Variants in KDM4B observed in about 807,000 individuals in gnomAD.
KDM4B encodes the protein lysine demethylase 4B.
KDM4B carries 32 observed loss-of-function variants against 125.2 expected under a neutral mutation model. That is an observed-to-expected ratio of 0.26 (90% CI 0.19 to 0.34). The LOEUF (loss-of-function observed/expected upper bound fraction) is 0.34. Among genes scored for constraint, KDM4B ranks in the 10% least tolerant of loss-of-function variants. The pLI, the probability that KDM4B is intolerant of heterozygous loss-of-function variation, is 1.00. For synonymous variants in KDM4B, 721 were observed against 677.9 expected (o/e 1.06, Z -0.99); for missense variants, 1,190 against 1,577.7 (o/e 0.75, Z 4.16).
chr19:5,111,720 A>T (rs1380391692), intron 10 of KDM4B: 2 of 760,868 alleles, frequency 2.6e-6, no homozygotes, highest in East Asian at 2.4e-5. Context: ...GGGCTCAGCC[A>T]ACTCCTCCGG....
intron 9 of KDM4B, among the ~76,000 whole-genome samples, chr19:5,098,975 C>T (rs575793578): frequency 1.6e-4 from 25 of 152,368 alleles, no homozygotes; most frequent in Non-Finnish European, 3.1e-4. Context: ...TGCCATTTCC[C>T]TCATCCCTGC....
intron 21 of KDM4B, among the ~76,000 whole-genome samples, chr19:5,147,542 C>T (rs1252484414): frequency 1.3e-5 from 2 of 151,858 alleles, no homozygotes; most frequent in African/African-American, 2.4e-5. Context: ...CACAGGGGTT[C>T]GAGACCAGCC....
In KDM4B at chr19:5,110,836, T is replaced by A; in HGVS notation, c.1115+18T>A. On this transcript the variant is annotated intron_variant, in intron 10 of 22. Coordinates refer to ENST00000159111, the MANE Select transcript of KDM4B (RefSeq NM_015015.3). ...CTCCGCAGGTGAGTTGCCAAGGGAC[T>A]GCCGCGTGACTGCCCAGCATCACGG... is the stretch of plus-strand genomic sequence containing the variant. The A allele has an allele frequency of 6.5e-7, 1 of 1,540,022 alleles. No homozygotes were observed. The highest frequency in any genetic ancestry group is 8.7e-7 in the Non-Finnish European group (1 of 1,143,334).
intron 9 of KDM4B, among the ~76,000 whole-genome samples, chr19:5,095,342 C>T (rs1319556355): frequency 7.2e-5 from 11 of 152,182 alleles, no homozygotes; most frequent in Admixed American, 2.6e-4. Context: ...CTCATTAGGC[C>T]GGTGGCTGTG....
intron 1 of KDM4B, among the ~76,000 whole-genome samples, chr19:4,993,495 T>C (rs1378705692): frequency 6.6e-6 from 1 of 152,214 alleles, no homozygotes; most frequent in African/African-American, 2.4e-5. Context: ...CATTTTTTGC[T>C]TCATGTATTT....
chr19:5,042,468 G>A (rs1435699047), intron 5 of KDM4B, among the ~76,000 whole-genome samples: 13 of 150,460 alleles, frequency 8.6e-5, no homozygotes, highest in Admixed American at 5.3e-4. Flanking sequence ...CCACTGCCCC[G>A]CAGCCTGGGC....
At position 5,131,891 on chromosome 19, in the gene KDM4B, C is replaced by G; in HGVS notation, c.1790C>G (p.Pro597Arg). The change falls in exon 13 of 23, where the codon CCG becomes CGG. Residue 597 changes from proline to arginine, a missense_variant. By Grantham distance (103) the Pro-to-Arg change is moderately radical. This residue lies in a region of KDM4B where 428 missense variants were observed against 405.1 expected (regional missense o/e 1.06). Coordinates refer to ENST00000159111, the MANE Select transcript of KDM4B (RefSeq NM_015015.3). ...ACAGCCTGTTGTGTGTTTCAGGCAC[C>G]GTCCACATTTTCCAAATTGAAGATG... ...TKARAGEGQAPSTFSKLKMEI... is the reference protein window; with the variant it reads ...TKARAGEGQARSTFSKLKMEI... The G allele has an allele frequency of 6.2e-7, 1 of 1,612,750 alleles. No individual in the cohort carries two copies. Among genetic ancestry groups the G allele is most frequent in the Non-Finnish European group, 8.5e-7 (1 of 1,179,856 alleles).
At position 4,997,009 on chromosome 19, in the gene KDM4B, A is replaced by G. The variant is rs1199966681; in HGVS notation, c.-108-19248A>G. Among the ~76,000 whole-genome samples the G allele has an allele frequency of 6.6e-6, 1 of 151,556 alleles. No homozygotes were observed. Among genetic ancestry groups the G allele is most frequent in the Non-Finnish European group, 1.5e-5 (1 of 67,886 alleles). On this transcript the variant is annotated intron_variant, in intron 1 of 22. Transcript: ENST00000159111. This position sits in a 1 kb window ranked among gnomAD's most constrained non-coding sequence, Gnocchi z 4.2. ...CAGTGTTCCCTGTGGGCACAGCTGC[A>G]TGGTTGGGCAGTGTGGGTCTGGGTG...
chr19:5,057,029 CGTGTGTGT>C (rs74170763), intron 6 of KDM4B, among the ~76,000 whole-genome samples: 18,299 of 144,154 alleles, frequency 0.13, 1,442 homozygotes, highest in Non-Finnish European at 0.19. Flanking sequence ...GATATATATG[CGTGTGTGT>C]GTGTGTGTGT....
intron 2 of KDM4B, among the ~76,000 whole-genome samples, chr19:5,030,191 C>T (rs971157250): frequency 1.3e-5 from 2 of 152,184 alleles, no homozygotes; most frequent in South Asian, 2.1e-4. Context: ...ACTGAAGCCT[C>T]GACCTCCCAG....
chr19:5,092,083 G>T (rs1224148898), intron 9 of KDM4B, among the ~76,000 whole-genome samples: 1 of 152,222 alleles, frequency 6.6e-6, no homozygotes, highest in African/African-American at 2.4e-5. Flanking sequence ...CGGATCCCGG[G>T]CCGGGCCAGA....
chr19:5,124,838 C>G (rs1235128736), intron 11 of KDM4B, among the ~76,000 whole-genome samples: 1 of 152,188 alleles, frequency 6.6e-6, no homozygotes, highest in Admixed American at 6.5e-5. Context: ...TCAGGTGATC[C>G]ACTTGCCTCA....
chr19:5,143,927 A>C (rs2146101015), intron 18 of KDM4B, 40 bp from the exon 19 acceptor site: 7 of 1,468,282 alleles, frequency 4.8e-6, no homozygotes, highest in Non-Finnish European at 6.5e-6. Flanking sequence ...TCCCTAGGGA[A>C]GCTCGAGCCC....
chr19:5,137,456 G>C (rs1004169668), intron 16 of KDM4B, 118 bp downstream of exon 16: 24 of 1,223,548 alleles, frequency 2.0e-5, no homozygotes, highest in Non-Finnish European at 2.8e-5. Context: ...CTTCACCTCT[G>C]CCCTGAGGGG....
rs1252901990 is a variant in KDM4B at position 5,144,780 on chromosome 19, C to A, written c.2902-3C>A. 6.2e-7 allele frequency: 1 copy of A among 1,613,436 alleles called. No individual in the cohort carries two copies. The highest frequency in any genetic ancestry group is 1.7e-5 in the Admixed American group (1 of 59,988). On this transcript the variant is annotated splice_region_variant and splice_polypyrimidine_tract_variant and intron_variant, in intron 20 of 22. Transcript: ENST00000159111. ...CCTCACCTCCCACCTCTTCTCCCTG[C>A]AGAGTAGGGACTGTGTCCAGCTGGG...
intron 1 of KDM4B, among the ~76,000 whole-genome samples, chr19:5,004,338 C>T (rs143934467): frequency 6.6e-6 from 1 of 152,208 alleles, no homozygotes; most frequent in Non-Finnish European, 1.5e-5. Context: ...CCCTCGCTCC[C>T]TCCTCACCCG....
chr19:5,060,574 A>G (rs2037562281), intron 6 of KDM4B, among the ~76,000 whole-genome samples: 1 of 152,004 alleles, frequency 6.6e-6, no homozygotes, highest in South Asian at 2.1e-4. Context: ...CTTTTAACAG[A>G]ATAAACGGCA....
At chr19:5,009,167 G>A (rs184719535) in intron 1 of KDM4B, among the ~76,000 whole-genome samples, 32 of 152,178 alleles carry the variant, frequency 2.1e-4, no homozygotes, top group African/African-American at 6.5e-4. Context: ...TGCTCACCTT[G>A]GCCTCCCAAA....
At chr19:5,122,867 T>C (rs910212996) in intron 11 of KDM4B, among the ~76,000 whole-genome samples, 2 of 152,248 alleles carry the variant, frequency 1.3e-5, no homozygotes, top group African/African-American at 4.8e-5. Flanking sequence ...TGCCCAGCCC[T>C]GGAAGCCGGT....
Sources: allele counts gnomAD v4.1 joint callset (sites outside exome capture counted in the v4.1 genomes callset), GRCh38; gene constraint gnomAD v4.1.1; regional missense constraint gnomAD v4.1.1; non-coding constraint Gnocchi (gnomAD v3.1); transcripts MANE v1.5; gene names NCBI Gene and HGNC (gene_info 2026-07-23, HGNC 2026-07-21).